Variants in SMCO4 observed in about 807,000 individuals in gnomAD.
SMCO4 encodes the protein single-pass membrane protein with coiled-coil domains 4.
Under a neutral mutation model 3.6 loss-of-function variants are expected in SMCO4, and 4 were observed. The ratio of observed to expected loss-of-function variants is 1.11; its 90% CI spans 0.54 to 2.53. The LOEUF (loss-of-function observed/expected upper bound fraction) is 2.53, where lower values mean the gene tolerates loss of function less well. Ranked by LOEUF, SMCO4 falls within the 30% of genes most tolerant of loss-of-function variation. The pLI, the probability that SMCO4 is intolerant of heterozygous loss-of-function variation, is 0.02. For missense variants in SMCO4, 70 were observed against 80.8 expected (o/e 0.87, Z 0.51); for synonymous variants, 36 against 35.3 (o/e 1.02, Z -0.07).
intron 2 of SMCO4, among the ~76,000 whole-genome samples, chr11:93,483,913 G>A (rs1394811462): frequency 1.3e-5 from 2 of 152,152 alleles, no homozygotes; most frequent in African/African-American, 4.8e-5. Context: ...TGGTTCAGCA[G>A]CCCCTTGCAG....
chr11:93,522,755 G>T (rs1239640409), intron 1 of SMCO4, among the ~76,000 whole-genome samples: 3 of 152,182 alleles, frequency 2.0e-5, no homozygotes, highest in Non-Finnish European at 2.9e-5. Flanking sequence ...ATGCAGGGAA[G>T]TCTAGTCCTT....
chr11:93,488,601 T>C (rs1948677624), intron 2 of SMCO4, among the ~76,000 whole-genome samples: 1 of 151,626 alleles, frequency 6.6e-6, no homozygotes, highest in Non-Finnish European at 1.5e-5. Flanking sequence ...ACTGGAAGAA[T>C]GGTGTTGCCA....
the SMCO4 span, among the ~76,000 whole-genome samples, chr11:93,551,601 G>T: frequency 6.6e-6 from 1 of 152,162 alleles, no homozygotes; most frequent in African/African-American, 2.4e-5. Context: ...TTTACTCCAG[G>T]TGAGTATTTT....
chr11:93,490,166 G>A (rs1565374424), intron 2 of SMCO4, among the ~76,000 whole-genome samples: 1 of 152,238 alleles, frequency 6.6e-6, no homozygotes, highest in Non-Finnish European at 1.5e-5. Flanking sequence ...GGAAAAAGGA[G>A]GAAGCAGAGC....
At chr11:93,509,914 A>G (rs1948942762) in intron 1 of SMCO4, among the ~76,000 whole-genome samples, 1 of 152,206 alleles carries the variant, frequency 6.6e-6, no homozygotes, top group South Asian at 2.1e-4. Context: ...CTCAGAAATC[A>G]CCATCAGAGA....
upstream of SMCO4, among the ~76,000 whole-genome samples, chr11:93,543,664 T>C (rs981104743): frequency 6.6e-6 from 1 of 152,190 alleles, no homozygotes; most frequent in Non-Finnish European, 1.5e-5. Context: ...CCCTTGTTGA[T>C]ATATTTCCTG....
chr11:93,512,059 G>A (rs965442423), intron 1 of SMCO4, among the ~76,000 whole-genome samples: 2 of 152,126 alleles, frequency 1.3e-5, no homozygotes, highest in African/African-American at 4.8e-5. Context: ...TAGAAGTTTG[G>A]TGATATTTCT....
At chr11:93,531,702 G>A (rs1029506381) in intron 1 of SMCO4, among the ~76,000 whole-genome samples, 5 of 151,984 alleles carry the variant, frequency 3.3e-5, no homozygotes, top group African/African-American at 1.2e-4. Context: ...GGGGTTTTTT[G>A]CCACAGTTTT....
At chr11:93,525,815 G>C (rs1327411376) in intron 1 of SMCO4, among the ~76,000 whole-genome samples, 1 of 152,188 alleles carries the variant, frequency 6.6e-6, no homozygotes, top group Non-Finnish European at 1.5e-5. Flanking sequence ...ACTGACTTCA[G>C]CAGAGCCCTG....
chr11:93,534,357 C>CATAT (rs574528655), intron 1 of SMCO4, among the ~76,000 whole-genome samples: 112 of 87,024 alleles, frequency 1.3e-3, no homozygotes, highest in African/African-American at 3.2e-3. Context: ...TATACACATA[C>CATAT]ATATATATAT....
At chr11:93,514,035 C>T (rs2252326) in intron 1 of SMCO4, among the ~76,000 whole-genome samples, 15,070 of 152,170 alleles carry the variant, frequency 0.099, 909 homozygotes, top group East Asian at 0.31. Context: ...ATTCCCCAGA[C>T]CTCCTTTGCA....
intron 1 of SMCO4, among the ~76,000 whole-genome samples, chr11:93,506,169 G>C (rs1160931942): frequency 1.3e-5 from 2 of 152,212 alleles, no homozygotes; most frequent in African/African-American, 4.8e-5. Flanking sequence ...TCCGGGTAGA[G>C]GGGGCATGGA....
intron 1 of SMCO4, among the ~76,000 whole-genome samples, chr11:93,503,428 T>C (rs747640369): frequency 6.6e-6 from 1 of 152,178 alleles, no homozygotes; most frequent in Non-Finnish European, 1.5e-5. Context: ...GTGGGAATTA[T>C]GGGAGCTACA....
the SMCO4 span, among the ~76,000 whole-genome samples, chr11:93,552,281 AGG>A: frequency 6.7e-6 from 1 of 149,274 alleles, no homozygotes; most frequent in East Asian, 2.0e-4. Flanking sequence ...TTGGGATTAC[AGG>A]CATGCACCAC....
intron 1 of SMCO4, among the ~76,000 whole-genome samples, chr11:93,505,855 C>G (rs939171988): frequency 5.1e-5 from 6 of 117,072 alleles, no homozygotes; most frequent in African/African-American, 1.9e-4. Context: ...TAAGCCCTTG[C>G]AATGATGATG....
chr11:93,494,145 TC>T (rs2134586704), intron 2 of SMCO4, among the ~76,000 whole-genome samples: 1 of 152,306 alleles, frequency 6.6e-6, no homozygotes, highest in Admixed American at 6.5e-5. Flanking sequence ...CCCTTGCTCA[TC>T]TCACATATTT....
intron 1 of SMCO4, among the ~76,000 whole-genome samples, chr11:93,537,041 T>C (rs1237855654): frequency 6.6e-6 from 1 of 152,234 alleles, no homozygotes; most frequent in Non-Finnish European, 1.5e-5. Context: ...AGTCCTACCC[T>C]GAACCTGCTC....
intron 1 of SMCO4, among the ~76,000 whole-genome samples, chr11:93,501,365 A>G (rs35364744): frequency 0.12 from 18,183 of 152,284 alleles, 1,340 homozygotes; most frequent in Non-Finnish European, 0.17. Flanking sequence ...TAAAACAGGA[A>G]ATGTATTAAT....
chr11:93,489,510 T>C (rs1948689911), intron 2 of SMCO4, among the ~76,000 whole-genome samples: 1 of 152,150 alleles, frequency 6.6e-6, no homozygotes, highest in Non-Finnish European at 1.5e-5. Context: ...TGGGGCCCAC[T>C]GCAGTTGGAG....
Sources: gnomAD v4.1 joint callset for allele counts (sites outside exome capture counted in the v4.1 genomes callset) on GRCh38, gnomAD v4.1.1 for gene constraint, MANE v1.5 for transcripts, NCBI Gene and HGNC (gene_info 2026-07-23, HGNC 2026-07-21) for gene names.